The following OSBPL11 variants were observed in gnomAD, a reference collection of about 807,000 sequenced individuals.
OSBPL11 encodes the protein oxysterol binding protein like 11.
A neutral mutation model predicts 84.4 loss-of-function variants in OSBPL11; 33 were observed. That is an observed-to-expected ratio of 0.39 (90% CI 0.30 to 0.52). The LOEUF is 0.52. OSBPL11 is among the 20% of genes least tolerant of loss of function. The pLI is 0.72. For missense variants in OSBPL11, 736 were observed against 901.1 expected (o/e 0.82, Z 2.35); for synonymous variants, 276 against 310.2 (o/e 0.89, Z 1.16).
At chr3:125,574,018 T>C (rs1936280057) in intron 5 of OSBPL11, among the ~76,000 whole-genome samples, 1 of 152,154 alleles carries the variant, frequency 6.6e-6, no homozygotes, top group Non-Finnish European at 1.5e-5. Flanking sequence ...CTCCTGGAAC[T>C]GGATAATTCT....
intron 7 of OSBPL11, among the ~76,000 whole-genome samples, chr3:125,560,764 T>G (rs916096230): frequency 2.6e-5 from 4 of 152,188 alleles, no homozygotes; most frequent in African/African-American, 7.2e-5. Context: ...ACTATTTTTC[T>G]TTTTTGGGGG....
intron 8 of OSBPL11, 94 bp from the exon 9 acceptor site, chr3:125,552,773 T>C (rs1935932082): frequency 2.2e-6 from 3 of 1,390,382 alleles, no homozygotes; most frequent in Non-Finnish European, 2.9e-6. Flanking sequence ...TCATTCTAGA[T>C]GGGTATTAAA....
intron 8 of OSBPL11, 67 bp downstream of exon 8, chr3:125,560,312 C>A (rs1024467042): frequency 7.8e-7 from 1 of 1,275,608 alleles, no homozygotes. Flanking sequence ...AAAGTCCTGA[C>A]ATAAACATGA....
At chr3:125,566,474 C>T (rs548820454) in intron 6 of OSBPL11, among the ~76,000 whole-genome samples, 114 of 152,258 alleles carry the variant, frequency 7.5e-4, no homozygotes, top group Middle Eastern at 3.4e-3. Context: ...AATTTAGGCA[C>T]ACATGAGGAT....
chr3:125,548,920 C>T (rs1309561441), intron 9 of OSBPL11, among the ~76,000 whole-genome samples: 1 of 150,746 alleles, frequency 6.6e-6, no homozygotes, highest in African/African-American at 2.4e-5. Flanking sequence ...CAAAGGGCAA[C>T]AATAAATTAA....
chr3:125,550,425 A>AAGAGAGAGAG (rs35797005), intron 9 of OSBPL11, among the ~76,000 whole-genome samples: 1 of 149,628 alleles, frequency 6.7e-6, no homozygotes, highest in Non-Finnish European at 1.5e-5. Flanking sequence ...AAAAAAAAAA[A>AAGAGAGAGAG]AGAGAGTACT....
At position 125,560,624 on chromosome 3, in the gene OSBPL11, A is replaced by C. The variant is rs550683415; in HGVS notation, c.1015-105T>G. The C allele has an allele frequency of 2.8e-6, 3 of 1,063,364 alleles. No individual in the cohort carries two copies. The Admixed American group carries it at 9.0e-5, about 32-fold the overall frequency. 65.9% of individuals were successfully genotyped at this position (1,063,364 alleles called of 1,614,324 possible). A position where few individuals can be genotyped will look rare whatever the true frequency, so the allele number is the denominator to read the frequency against. ...CTTGAAGACATTTGTATTTGACCTA[A>C]GTGAATCTGAGTATGGGCAAAAATC... On this transcript the variant is annotated intron_variant, in intron 7 of 12. Coordinates refer to ENST00000296220, the MANE Select transcript of OSBPL11 (RefSeq NM_022776.5).
At position 125,576,239 on chromosome 3, in the gene OSBPL11, G is replaced by C. The variant is rs1310495874; in HGVS notation, c.616C>G (p.Leu206Val). The C allele has an allele frequency of 6.2e-7, 1 of 1,611,156 alleles. No homozygotes were observed. Among genetic ancestry groups the C allele is most frequent in the Non-Finnish European group, 8.5e-7 (1 of 1,179,244 alleles). ...FNVGHSKLQS[L>V]SKRTNLPPDH... ...GGAGGTAAATTAGTTCTTTTGCTCAGTGATTGCAGTTTGGAATGTCCAACA... is the reference window on the plus strand; with the variant it reads ...GGAGGTAAATTAGTTCTTTTGCTCACTGATTGCAGTTTGGAATGTCCAACA... Residue 206 changes from leucine (L) to valine (V), a missense_variant, in exon 5 of 13, where the codon CTG (leucine) becomes GTG (valine). Coordinates refer to ENST00000296220, the MANE Select transcript of OSBPL11 (RefSeq NM_022776.5).
In OSBPL11 at chr3:125,529,992, T is replaced by TG; in HGVS notation, c.*522dup. The stretch of plus-strand genomic sequence containing the variant: ...GAATGCCTTGTTACCACAACCTGGT[T>TG]GATTTTTTTTTTTAAACACTGATTT... On this transcript the variant is annotated 3_prime_UTR_variant, in exon 13 of 13. Coordinates refer to ENST00000296220, the MANE Select transcript of OSBPL11 (RefSeq NM_022776.5). 9.8e-6 allele frequency: 1 copy of TG among 102,240 alleles called. No homozygotes were observed. The highest frequency in any genetic ancestry group is 8.7e-5 in the Admixed American group (1 of 11,532). 6.3% of individuals were successfully genotyped at this position (102,240 alleles called of 1,614,324 possible). A position where few individuals can be genotyped will look rare whatever the true frequency, so the allele number is the denominator to read the frequency against.
chr3:125,559,037 T>G (rs1293713627), intron 8 of OSBPL11, among the ~76,000 whole-genome samples: 1 of 152,222 alleles, frequency 6.6e-6, no homozygotes, highest in Non-Finnish European at 1.5e-5. Flanking sequence ...AAATGAAGTT[T>G]TGTTGGAATA....
chr3:125,545,879 T>C (rs1935805810), intron 10 of OSBPL11, among the ~76,000 whole-genome samples: 1 of 151,982 alleles, frequency 6.6e-6, no homozygotes, highest in South Asian at 2.1e-4. Context: ...CTGTCCCAAC[T>C]GCAGAGAGCA....
intron 5 of OSBPL11, among the ~76,000 whole-genome samples, chr3:125,575,712 T>A (rs1022868841): frequency 3.5e-5 from 5 of 144,386 alleles, no homozygotes; most frequent in South Asian, 2.1e-4. Context: ...AAAAAAAAAA[T>A]TTTTTTTAGA....
At chr3:125,557,951 C>A (rs1398277827) in intron 8 of OSBPL11, among the ~76,000 whole-genome samples, 1 of 151,842 alleles carries the variant, frequency 6.6e-6, no homozygotes, top group African/African-American at 2.4e-5. Flanking sequence ...CACCACCATG[C>A]CCAGCTAATT....
chr3:125,545,342 C>T (rs1360635316), intron 10 of OSBPL11, among the ~76,000 whole-genome samples: 1 of 152,192 alleles, frequency 6.6e-6, no homozygotes, highest in Non-Finnish European at 1.5e-5. Context: ...TTTGCTTTAA[C>T]AGATGAATCA....
At chr3:125,547,964 G>C (rs533005861) in intron 9 of OSBPL11, among the ~76,000 whole-genome samples, 8 of 152,038 alleles carry the variant, frequency 5.3e-5, no homozygotes, top group Non-Finnish European at 1.0e-4. Flanking sequence ...TGCAACCTCC[G>C]ACTCCTGGGT....
chr3:125,564,373 A>G (rs577288082), intron 6 of OSBPL11, among the ~76,000 whole-genome samples: 1 of 152,352 alleles, frequency 6.6e-6, no homozygotes, highest in East Asian at 1.9e-4. Context: ...AAAGCCCCAT[A>G]CAACTTAAAC....
chr3:125,539,213 G>A (rs1935686048), intron 10 of OSBPL11, among the ~76,000 whole-genome samples: 1 of 146,466 alleles, frequency 6.8e-6, no homozygotes, highest in Non-Finnish European at 1.5e-5. Context: ...AAGAGCACTG[G>A]TCTACAAAAA....
intron 4 of OSBPL11, among the ~76,000 whole-genome samples, chr3:125,576,977 C>A (rs1936336253): frequency 6.6e-6 from 1 of 152,220 alleles, no homozygotes; most frequent in East Asian, 1.9e-4. Flanking sequence ...AGCCACTGCG[C>A]CCGGCCTTAA....
chr3:125,540,417 T>C (rs796181011), intron 10 of OSBPL11, among the ~76,000 whole-genome samples: 4 of 150,680 alleles, frequency 2.7e-5, no homozygotes, highest in African/African-American at 9.8e-5. Flanking sequence ...ATCAGTCAAC[T>C]TGATTACAGC....
Sources: gnomAD v4.1 joint callset for allele counts (sites outside exome capture counted in the v4.1 genomes callset) on GRCh38, gnomAD v4.1.1 for gene constraint, MANE v1.5 for transcripts, NCBI Gene and HGNC (gene_info 2026-07-23, HGNC 2026-07-21) for gene names.